Variants in SVIL observed in about 807,000 individuals in gnomAD.
SVIL encodes archvillin.
A neutral mutation model predicts 240.4 loss-of-function variants in SVIL; 101 were observed. That is an observed-to-expected ratio of 0.42 (90% CI 0.36 to 0.50). SVIL has a LOEUF of 0.50. SVIL is among the 20% of genes least tolerant of loss of function. The pLI, the probability that SVIL is intolerant of heterozygous loss-of-function variation, is 0.01. For synonymous variants in SVIL, 999 were observed against 1,100.0 expected (o/e 0.91, Z 1.82); for missense variants, 2,512 against 2,818.7 (o/e 0.89, Z 2.46).
chr10:29,688,767 A>G (rs543047362), intron 1 of SVIL, among the ~76,000 whole-genome samples: 2 of 152,344 alleles, frequency 1.3e-5, no homozygotes, highest in African/African-American at 2.4e-5. Context: ...GATGTGTATC[A>G]GTATGTTTTA....
At chr10:29,549,361 G>C (rs1435916331) in intron 6 of SVIL, among the ~76,000 whole-genome samples, 50 of 130,950 alleles carry the variant, frequency 3.8e-4, no homozygotes, top group Non-Finnish European at 7.0e-4. Context: ...TCATTAAAAA[G>C]TCAGGAAACA....
intron 36 of SVIL, among the ~76,000 whole-genome samples, chr10:29,462,017 C>T (rs772580591): frequency 4.6e-5 from 7 of 152,190 alleles, no homozygotes; most frequent in Non-Finnish European, 1.0e-4. Context: ...ATATATAGTC[C>T]TCAACATGAT....
chr10:29,585,844 C>T (rs974221501), intron 1 of SVIL, among the ~76,000 whole-genome samples: 5 of 152,242 alleles, frequency 3.3e-5, no homozygotes, highest in Admixed American at 6.5e-5. Flanking sequence ...AGGTGTCCGA[C>T]GCCTCAGCTC....
chr10:29,554,760 G>A (rs1589235691), intron 5 of SVIL, 23 bp downstream of exon 5: 1 of 1,518,202 alleles, frequency 6.6e-7, no homozygotes, highest in Middle Eastern at 2.2e-4. Flanking sequence ...GCTGGAAAAT[G>A]GGCCACCCAG....
chr10:29,729,225 A>C (rs1174601117), intron 1 of SVIL, among the ~76,000 whole-genome samples: 1 of 152,182 alleles, frequency 6.6e-6, no homozygotes, highest in African/African-American at 2.4e-5. Context: ...ATCAAGGGGA[A>C]CTGGATCATT....
At chr10:29,609,207 C>T (rs1331230060) in intron 1 of SVIL, among the ~76,000 whole-genome samples, 1 of 152,190 alleles carries the variant, frequency 6.6e-6, no homozygotes, top group African/African-American at 2.4e-5. Flanking sequence ...TGCTGAATGG[C>T]GGAAGTGAAA....
chr10:29,529,479 C>T (rs187919561), intron 12 of SVIL, among the ~76,000 whole-genome samples: 2 of 152,122 alleles, frequency 1.3e-5, no homozygotes, highest in African/African-American at 4.8e-5. Flanking sequence ...TATGCAGAGA[C>T]AGAAACAAAA....
chr10:29,588,232 T>C (rs901069078), intron 1 of SVIL, among the ~76,000 whole-genome samples: 2 of 151,598 alleles, frequency 1.3e-5, no homozygotes, highest in African/African-American at 2.4e-5. Flanking sequence ...GAGCATGAGA[T>C]AGCAATACCG....
At chr10:29,595,819 T>G (rs1488297928) in intron 1 of SVIL, among the ~76,000 whole-genome samples, 1 of 152,134 alleles carries the variant, frequency 6.6e-6, no homozygotes, top group Non-Finnish European at 1.5e-5. Flanking sequence ...AGGCCAGCAG[T>G]TGTGGTGAGC....
At chr10:29,554,416 T>C (rs190470560) in intron 5 of SVIL, among the ~76,000 whole-genome samples, 129 of 151,926 alleles carry the variant, frequency 8.5e-4, no homozygotes, top group African/African-American at 2.9e-3. Context: ...AAGGCCAAGG[T>C]GGGAGGATCA....
At chr10:29,598,126 A>T (rs959938194) in intron 1 of SVIL, among the ~76,000 whole-genome samples, 1 of 152,148 alleles carries the variant, frequency 6.6e-6, no homozygotes, top group Non-Finnish European at 1.5e-5. Context: ...AAGTATAATA[A>T]GCCAGTCACA....
At chr10:29,638,676 T>A (rs1430032626), upstream of SVIL, among the ~76,000 whole-genome samples, 2 of 152,170 alleles carry the variant, frequency 1.3e-5, no homozygotes, top group African/African-American at 4.8e-5. Flanking sequence ...TTTTTCCCTA[T>A]AAGAATGAAA....
At position 29,463,600 on chromosome 10, in the gene SVIL, G is replaced by C. The variant is rs1179413501; in HGVS notation, c.6169C>G (p.Leu2057Val). ...FLVDNHHEVY[L>V]WQGWWPIENK... Reference sequence around the variant, plus strand: ...TCGATGGGCCACCAGCCTTGCCAGAGGTACACCTCGTGGTGATTGTCAACA... The same window carrying C: ...TCGATGGGCCACCAGCCTTGCCAGACGTACACCTCGTGGTGATTGTCAACA... Residue 2057 changes from leucine (L) to valine (V), a missense_variant, in exon 35 of 38, where the codon CTC (leucine) becomes GTC (valine). Physicochemically the swap from Leu to Val is conservative, Grantham distance 32 (BLOSUM62 1). Around this residue, in one of 3 missense-constraint regions of SVIL, gnomAD observed 797 missense variants for 925.3 expected, o/e 0.86. Transcript: ENST00000355867. 6.2e-7 allele frequency: 1 copy of C among 1,614,186 alleles called. No homozygotes were observed. Among genetic ancestry groups the C allele is most frequent in the African/African-American group, 1.3e-5 (1 of 75,068 alleles).
Position 29,458,557 on chromosome 10 carries a change from C to T in SVIL, c.6435G>A (p.Val2145=), listed in dbSNP as rs751837392. ...TACAGAGCTTGGCTAAGACGTCTTC[C>T]ACGAGGGTGATCTGATTGGAAACTT... ...DTEVSNQITL[V]EDVLAKLCKT... The change falls in exon 37 of 38, where the codon GTG becomes GTA. Residue 2145 remains valine, a synonymous_variant. Coordinates refer to ENST00000355867, the MANE Select transcript of SVIL (RefSeq NM_021738.3). 1 of 1,612,696 alleles carries T rather than the reference C, an allele frequency of 6.2e-7. No individual in the cohort carries two copies. The highest frequency in any genetic ancestry group is 1.7e-5 in the Admixed American group (1 of 59,678).
At chr10:29,615,001 T>C (rs1957380140) in intron 1 of SVIL, among the ~76,000 whole-genome samples, 1 of 152,104 alleles carries the variant, frequency 6.6e-6, no homozygotes, top group South Asian at 2.1e-4. Flanking sequence ...ATTTTACAGA[T>C]GAGGAAATTG....
chr10:29,461,321 G>A (rs1031492702), intron 36 of SVIL, among the ~76,000 whole-genome samples: 1 of 152,200 alleles, frequency 6.6e-6, no homozygotes, highest in Non-Finnish European at 1.5e-5. Context: ...GAAACATCTC[G>A]TTCCGGCTGC....
chr10:29,727,156 G>A (rs1964338427), intron 1 of SVIL, among the ~76,000 whole-genome samples: 1 of 152,164 alleles, frequency 6.6e-6, no homozygotes, highest in Non-Finnish European at 1.5e-5. Context: ...TTCTTCAGAT[G>A]CTAATAATAA....
chr10:29,730,968 T>C (rs1589595579), intron 1 of SVIL, among the ~76,000 whole-genome samples: 1 of 152,308 alleles, frequency 6.6e-6, no homozygotes, highest in African/African-American at 2.4e-5. Context: ...CAGGCCTAGG[T>C]AGAGGCACAA....
chr10:29,563,507 C>G (rs1455270544), intron 2 of SVIL, among the ~76,000 whole-genome samples: 1 of 152,072 alleles, frequency 6.6e-6, no homozygotes, highest in Non-Finnish European at 1.5e-5. Flanking sequence ...CTAATTACAG[C>G]AGGATTGGCG....
Sources: gnomAD v4.1 joint callset for allele counts (sites outside exome capture counted in the v4.1 genomes callset) on GRCh38, gnomAD v4.1.1 for gene constraint, gnomAD v4.1.1 regional missense constraint, MANE v1.5 for transcripts, NCBI Gene and HGNC (gene_info 2026-07-23, HGNC 2026-07-21) for gene names.